Variants in AKAP9 observed in about 807,000 individuals in gnomAD.
AKAP9 encodes the protein A-kinase anchoring protein 9, also known as A-kinase anchor protein 9.
Under a neutral mutation model 488.5 loss-of-function variants are expected in AKAP9, and 311 were observed. The observed-to-expected ratio is 0.64, with a 90% CI of 0.58 to 0.70. The LOEUF (loss-of-function observed/expected upper bound fraction) is 0.70, where lower values mean the gene tolerates loss of function less well. Among genes scored for constraint, AKAP9 ranks in the 30% least tolerant of loss-of-function variants. AKAP9 has a pLI of 0.00. For missense variants in AKAP9, 4,215 were observed against 4,374.5 expected (o/e 0.96, Z 1.03); for synonymous variants, 1,462 against 1,483.5 (o/e 0.99, Z 0.33).
chr7:91,951,299 C>G (rs552288850), intron 1 of AKAP9, among the ~76,000 whole-genome samples: 1 of 151,720 alleles, frequency 6.6e-6, no homozygotes, highest in Non-Finnish European at 1.5e-5. Context: ...CTCTTTCTCT[C>G]TATTTTCTTT....
chr7:92,064,517 T>TA (rs1179757356), intron 24 of AKAP9, among the ~76,000 whole-genome samples: 1 of 152,120 alleles, frequency 6.6e-6, no homozygotes. Flanking sequence ...TATTCTCAGT[T>TA]TACATATAAG....
chr7:92,076,782 T>C (rs1029307670), intron 28 of AKAP9, 73 bp from the exon 29 acceptor site: 47 of 908,842 alleles, frequency 5.2e-5, no homozygotes, highest in Admixed American at 4.7e-4. Flanking sequence ...AAAGCTAATA[T>C]AGCACTCTTC....
chr7:92,102,173 AT>A (rs199525203), intron 45 of AKAP9, among the ~76,000 whole-genome samples: 177 of 116,700 alleles, frequency 1.5e-3, no homozygotes, highest in South Asian at 4.7e-3. Context: ...TAAAAAAAAA[AT>A]AAATAAATAA....
chr7:92,080,513 C>T (rs534070614), intron 31 of AKAP9, among the ~76,000 whole-genome samples: 106 of 151,766 alleles, frequency 7.0e-4, no homozygotes, highest in African/African-American at 2.4e-3. Flanking sequence ...CAGGAGAATG[C>T]TGTGAACCCG....
At chr7:91,942,306 G>T (rs1040097943) in intron 1 of AKAP9, among the ~76,000 whole-genome samples, 1 of 152,124 alleles carries the variant, frequency 6.6e-6, no homozygotes, top group African/African-American at 2.4e-5. Context: ...TTTGTTAAAT[G>T]AATATATATA....
Position 91,994,428 on chromosome 7 carries a change from TAGTTC to T in AKAP9, c.577-190_577-186del, listed in dbSNP as rs1798142140. 3.3e-5 allele frequency among the ~76,000 whole-genome samples: 5 copies of T among 152,346 alleles called. No homozygotes were observed. The South Asian group carries it at 8.3e-4, about 25-fold the overall frequency. The stretch of plus-strand genomic sequence containing the variant: ...GGATAAGCCAGATCAATTTTTTCCT[TAGTTC>T]AGATAAATTTTTTGAAGTTGATTTG... On this transcript the variant is annotated intron_variant, in intron 5 of 49. Coordinates refer to ENST00000356239, the MANE Select transcript of AKAP9 (RefSeq NM_005751.5).
intron 1 of AKAP9, among the ~76,000 whole-genome samples, chr7:91,949,311 G>C (rs530747186): frequency 6.6e-6 from 1 of 151,954 alleles, no homozygotes; most frequent in African/African-American, 2.4e-5. Flanking sequence ...AATTTAAATT[G>C]TTGCTTCCTT....
intron 26 of AKAP9, among the ~76,000 whole-genome samples, chr7:92,069,473 G>A (rs952189365): frequency 3.3e-5 from 5 of 152,146 alleles, no homozygotes; most frequent in Non-Finnish European, 7.4e-5. Flanking sequence ...GGAGACAACA[G>A]TTGCTATCTT....
intron 22 of AKAP9, chr7:92,058,296 A>G (rs754870758): frequency 6.9e-6 from 4 of 582,928 alleles, no homozygotes; most frequent in Middle Eastern, 5.8e-4. Flanking sequence ...CTTTGTGAAC[A>G]TTTGGATGAA....
chr7:91,993,639 TTTTG>T (rs949315550), intron 5 of AKAP9, among the ~76,000 whole-genome samples: 1 of 152,128 alleles, frequency 6.6e-6, no homozygotes, highest in Non-Finnish European at 1.5e-5. Flanking sequence ...CACTCATAAT[TTTTG>T]TCTTTATACA....
chr7:92,081,655 T>C (rs1463557968), intron 31 of AKAP9, among the ~76,000 whole-genome samples: 3 of 151,850 alleles, frequency 2.0e-5, no homozygotes, highest in Non-Finnish European at 4.4e-5. Flanking sequence ...TTATACCTGA[T>C]AATAGATTTC....
At chr7:92,077,907 A>G (rs1185342063) in intron 30 of AKAP9, 32 bp downstream of exon 30, 12 of 1,553,934 alleles carry the variant, frequency 7.7e-6, no homozygotes, top group Middle Eastern at 3.8e-4. Context: ...TATGAAATTA[A>G]TATGAACCAG....
chr7:92,014,649 T>A (rs1801259456), intron 10 of AKAP9, among the ~76,000 whole-genome samples: 1 of 152,020 alleles, frequency 6.6e-6, no homozygotes. Context: ...TAATAAATTT[T>A]AAAAAATAAA....
At chr7:92,034,695 G>A (rs543765512) in intron 16 of AKAP9, among the ~76,000 whole-genome samples, 41 of 150,024 alleles carry the variant, frequency 2.7e-4, no homozygotes, top group African/African-American at 9.3e-4. Context: ...TTTTAGTAGA[G>A]ATGGGGTTTC....
chr7:91,947,375 C>T (rs959191284), intron 1 of AKAP9, among the ~76,000 whole-genome samples: 1 of 151,982 alleles, frequency 6.6e-6, no homozygotes, highest in African/African-American at 2.4e-5. Context: ...TGGAGTCTCA[C>T]TCTGTCACCC....
chr7:92,040,652 T>TG (rs751518211), intron 17 of AKAP9, 22 bp from the exon 18 acceptor site: 15 of 1,464,638 alleles, frequency 1.0e-5, no homozygotes, highest in African/African-American at 1.4e-5. Flanking sequence ...AATTGTTTTT[T>TG]TTTTTTTTTT....
chr7:92,085,425 G>C (rs1563117000), intron 35 of AKAP9, 70 bp from the exon 36 acceptor site: 5 of 1,413,666 alleles, frequency 3.5e-6, no homozygotes, highest in African/African-American at 2.8e-5. Flanking sequence ...ATTTATTTCT[G>C]TTTGTAAGTC....
At chr7:92,101,305 G>A (rs1344869738) in intron 45 of AKAP9, among the ~76,000 whole-genome samples, 2 of 152,124 alleles carry the variant, frequency 1.3e-5, no homozygotes, top group African/African-American at 4.8e-5. Context: ...AGCTGGGCGT[G>A]GTGGCGGGTG....
At chr7:92,006,962 C>T (rs1327983337) in intron 8 of AKAP9, among the ~76,000 whole-genome samples, 3 of 152,100 alleles carry the variant, frequency 2.0e-5, no homozygotes, top group Non-Finnish European at 4.4e-5. Context: ...ACCCAGTCTC[C>T]TGTATCTCTA....
Sources: allele counts gnomAD v4.1 joint callset (sites outside exome capture counted in the v4.1 genomes callset), GRCh38; gene constraint gnomAD v4.1.1; transcripts MANE v1.5; gene names NCBI Gene and HGNC (gene_info 2026-07-23, HGNC 2026-07-21).